MSRA: variants seen among roughly 807,000 people sequenced by gnomAD.
MSRA encodes the protein mitochondrial peptide methionine sulfoxide reductase.
A neutral mutation model predicts 31.3 loss-of-function variants in MSRA; 54 were observed. The observed-to-expected ratio is 1.73, with a 90% CI of 1.39 to 2.17. The LOEUF (loss-of-function observed/expected upper bound fraction) is 2.17. Among genes scored for constraint, MSRA ranks in the 30% most tolerant of loss-of-function variants. The pLI, the probability that MSRA is intolerant of heterozygous loss-of-function variation, is 0.00. For synonymous variants in MSRA, 169 were observed against 116.5 expected (o/e 1.45, Z -2.90); for missense variants, 507 against 300.9 (o/e 1.69, Z -5.07).
chr8:10,085,414 A>G (rs814424), intron 1 of MSRA, among the ~76,000 whole-genome samples: 32,651 of 152,136 alleles, frequency 0.21, 3,735 homozygotes, highest in East Asian at 0.4. Flanking sequence ...TTTGGCAGTC[A>G]TTTCTTGCCA....
chr8:10,076,809 G>GAGA (rs1798016217), intron 1 of MSRA, among the ~76,000 whole-genome samples: 1 of 152,128 alleles, frequency 6.6e-6, no homozygotes. Context: ...GTAGCATCAG[G>GAGA]AGAAGGGAGG....
intron 1 of MSRA, among the ~76,000 whole-genome samples, chr8:10,080,611 G>C (rs529051352): frequency 6.6e-6 from 1 of 152,006 alleles, no homozygotes; most frequent in Non-Finnish European, 1.5e-5. Flanking sequence ...CTGCAGCCTT[G>C]AACTTCTGGG....
At chr8:10,146,432 T>G (rs567613396) in intron 1 of MSRA, among the ~76,000 whole-genome samples, 1 of 152,278 alleles carries the variant, frequency 6.6e-6, no homozygotes, top group East Asian at 1.9e-4. Context: ...GGGATGCTCT[T>G]GCATCGGTAG....
chr8:10,067,611 T>C (rs1260699897), intron 1 of MSRA, among the ~76,000 whole-genome samples: 1 of 152,222 alleles, frequency 6.6e-6, no homozygotes, highest in Non-Finnish European at 1.5e-5. Flanking sequence ...CAAATTGTCT[T>C]CTGTACCATT....
intron 5 of MSRA, among the ~76,000 whole-genome samples, chr8:10,370,966 T>C (rs1164015850): frequency 1.3e-5 from 2 of 152,192 alleles, no homozygotes; most frequent in Non-Finnish European, 2.9e-5. Flanking sequence ...AAGACGTGTC[T>C]GAAGTGTGAT....
At chr8:10,071,438 G>A (rs1006381244) in intron 1 of MSRA, among the ~76,000 whole-genome samples, 8 of 147,762 alleles carry the variant, frequency 5.4e-5, no homozygotes, top group Admixed American at 4.7e-4. Context: ...CTTCTAGGCT[G>A]TAGCTTGCCT....
chr8:10,397,435 A>T (rs1388026647), intron 5 of MSRA, among the ~76,000 whole-genome samples: 1 of 152,216 alleles, frequency 6.6e-6, no homozygotes, highest in Admixed American at 6.5e-5. Flanking sequence ...GGGCCCTGGC[A>T]GAGGAAGAGG....
chr8:10,090,814 A>G (rs1798815220), intron 1 of MSRA, among the ~76,000 whole-genome samples: 1 of 152,126 alleles, frequency 6.6e-6, no homozygotes, highest in Admixed American at 6.6e-5. Flanking sequence ...TGGCTTTTTC[A>G]TTTAGCATAC....
At chr8:10,419,914 A>G (rs796915704) in intron 5 of MSRA, among the ~76,000 whole-genome samples, 10 of 152,242 alleles carry the variant, frequency 6.6e-5, no homozygotes, top group African/African-American at 2.4e-4. Flanking sequence ...TTCTGCTGTC[A>G]CGTTCCTTTT....
At chr8:10,405,039 C>T (rs750895923) in intron 5 of MSRA, among the ~76,000 whole-genome samples, 1 of 152,214 alleles carries the variant, frequency 6.6e-6, no homozygotes, top group Non-Finnish European at 1.5e-5. Flanking sequence ...TCATCTGTTT[C>T]CCGGAGTGTG....
intron 1 of MSRA, among the ~76,000 whole-genome samples, chr8:10,077,218 A>G (rs1239805969): frequency 1.3e-5 from 2 of 152,164 alleles, no homozygotes; most frequent in African/African-American, 4.8e-5. Flanking sequence ...GCCAACAATG[A>G]TGGGCAAAGA....
At chr8:10,098,223 A>G (rs1563435251) in intron 1 of MSRA, among the ~76,000 whole-genome samples, 1 of 152,130 alleles carries the variant, frequency 6.6e-6, no homozygotes, top group Non-Finnish European at 1.5e-5. Flanking sequence ...TATTGGTTTG[A>G]TTGTAAATGA....
intron 4 of MSRA, among the ~76,000 whole-genome samples, chr8:10,316,527 C>CCCTCTCTCT (rs1171484461): frequency 4.4e-5 from 5 of 112,632 alleles, no homozygotes; most frequent in African/African-American, 1.2e-4. Context: ...TTTGATGATC[C>CCCTCTCTCT]CTCTCTCTCT....
chr8:10,068,049 G>A (rs1563392813), intron 1 of MSRA, among the ~76,000 whole-genome samples: 1 of 151,788 alleles, frequency 6.6e-6, no homozygotes, highest in Non-Finnish European at 1.5e-5. Context: ...ATGCCTGACT[G>A]ATTTTTGGAT....
chr8:10,078,653 G>A (rs1028582709), intron 1 of MSRA, among the ~76,000 whole-genome samples: 1 of 152,246 alleles, frequency 6.6e-6, no homozygotes, highest in Admixed American at 6.5e-5. Flanking sequence ...CAGCAGGAGA[G>A]GCTGAGGCCC....
At chr8:10,361,790 C>G (rs1394115553) in intron 5 of MSRA, among the ~76,000 whole-genome samples, 1 of 152,188 alleles carries the variant, frequency 6.6e-6, no homozygotes, top group Non-Finnish European at 1.5e-5. Context: ...ATATATATGA[C>G]TTTTGTAATG....
At chr8:10,164,433 C>G in intron 1 of MSRA, among the ~76,000 whole-genome samples, 1 of 152,126 alleles carries the variant, frequency 6.6e-6, no homozygotes, top group East Asian at 1.9e-4. Flanking sequence ...AAAGGAATGG[C>G]CCTCGTTAGC....
intron 5 of MSRA, among the ~76,000 whole-genome samples, chr8:10,358,514 G>A (rs182188940): frequency 2.0e-5 from 3 of 148,884 alleles, no homozygotes; most frequent in Non-Finnish European, 3.0e-5. Context: ...AGGTGAGCTG[G>A]CATTACCACC....
At chr8:10,270,438 G>C (rs151024355) in intron 3 of MSRA, among the ~76,000 whole-genome samples, 83 of 152,082 alleles carry the variant, frequency 5.5e-4, no homozygotes, top group African/African-American at 2.0e-3. Context: ...CCTCTACTAG[G>C]TGCCTTATTT....
Sources: allele counts gnomAD v4.1 joint callset (sites outside exome capture counted in the v4.1 genomes callset), GRCh38; gene constraint gnomAD v4.1.1; transcripts MANE v1.5; gene names NCBI Gene and HGNC (gene_info 2026-07-23, HGNC 2026-07-21).